The following SLC18A2 variants were observed in gnomAD, a reference collection of about 807,000 sequenced individuals.
SLC18A2 encodes synaptic vesicular amine transporter.
In SLC18A2, 33 loss-of-function variants were observed where a neutral mutation model predicts 59.2. The ratio of observed to expected loss-of-function variants is 0.56; its 90% CI spans 0.42 to 0.75. The LOEUF is 0.75. SLC18A2 is among the 30% of genes least tolerant of loss of function. The pLI, the probability that SLC18A2 is intolerant of heterozygous loss-of-function variation, is 0.00. For synonymous variants in SLC18A2, 228 were observed against 253.5 expected (o/e 0.90, Z 0.95); for missense variants, 569 against 668.6 (o/e 0.85, Z 1.64).
chr10:117,257,195 C>T (rs903899852), intron 9 of SLC18A2, among the ~76,000 whole-genome samples: 4 of 152,154 alleles, frequency 2.6e-5, no homozygotes, highest in Middle Eastern at 3.2e-3. Flanking sequence ...AGAACAGTTC[C>T]GTGGGTCTTT....
rs776837489 is a variant in SLC18A2, at chr10:117,243,985, A to G, written c.136A>G (p.Ser46Gly). Residue 46 changes from serine (S) to glycine (G), a missense_variant, in exon 3 of 16, where the codon AGT (serine) becomes GGT (glycine). Around this residue, in one of 2 missense-constraint regions of SLC18A2, gnomAD observed 377 missense variants for 389.8 expected, o/e 0.97. Transcript: ENST00000644641. ...LLTVVVPIIP[S>G]YLYSIKHEKN... ...CTTATCCCCAGTCCCCATCATCCCA[A>G]GTTATCTGTACAGCATTAAGCATGA... 1 of 1,612,658 alleles carries G rather than the reference A, an allele frequency of 6.2e-7. No homozygotes were observed. The highest frequency in any genetic ancestry group is 8.5e-7 in the Non-Finnish European group (1 of 1,179,014).
intron 3 of SLC18A2, among the ~76,000 whole-genome samples, chr10:117,245,636 T>C (rs1241776362): frequency 6.6e-6 from 1 of 151,856 alleles, no homozygotes; most frequent in Non-Finnish European, 1.5e-5. Flanking sequence ...TCAAACATTA[T>C]GAAACACTTC....
intron 15 of SLC18A2, among the ~76,000 whole-genome samples, chr10:117,275,562 A>C (rs974390230): frequency 6.6e-6 from 1 of 152,190 alleles, no homozygotes; most frequent in African/African-American, 2.4e-5. Context: ...TGCTCATCTA[A>C]CTACCACGGA....
At position 117,269,162 on chromosome 10, in the gene SLC18A2, T is replaced by TATACAC. The variant is rs1554952946; in HGVS notation, c.1187-908_1187-907insTACACA. Among the ~76,000 whole-genome samples, 1 of 150,824 alleles carries TATACAC rather than the reference T, an allele frequency of 6.6e-6. No individual in the cohort carries two copies. The highest frequency in any genetic ancestry group is 1.5e-5 in the Non-Finnish European group (1 of 67,712). On this transcript the variant is annotated intron_variant, in intron 13 of 15. Transcript: ENST00000644641. This position sits in a 1 kb window ranked among gnomAD's most constrained non-coding sequence, Gnocchi z 5.1. ...ACCCACCCACATACATATGCACACA[T>TATACAC]ACACACATACATATACACACATACA...
At chr10:117,260,188 A>G (rs1844279376) in intron 10 of SLC18A2, among the ~76,000 whole-genome samples, 1 of 152,096 alleles carries the variant, frequency 6.6e-6, no homozygotes, top group Admixed American at 6.5e-5. Flanking sequence ...CCCGGTTGCC[A>G]TTCTGGTTAA....
chr10:117,253,536 T>C (rs1844187275), intron 4 of SLC18A2, 79 bp downstream of exon 4: 1 of 336,598 alleles, frequency 3.0e-6, no homozygotes, highest in African/African-American at 3.0e-5. Context: ...GAATTAACAA[T>C]ACAACCTAAG....
rs776458650 is a variant in SLC18A2, at chr10:117,255,463, T to C, written c.791-16T>C. 3.5e-5 allele frequency: 56 copies of C among 1,614,032 alleles called. No homozygotes were observed. The highest frequency in any genetic ancestry group is 5.0e-5 in the Admixed American group (3 of 60,006). On this transcript the variant is annotated splice_polypyrimidine_tract_variant and intron_variant, in intron 7 of 15. Transcript: ENST00000644641. ...TTTCTGAAGAGGGGCTTGTCTTTTT[T>C]ATTTTTATTTTTTAGCTATTCAGCT... is the stretch of plus-strand genomic sequence containing the variant.
chr10:117,270,344 G>A lies in SLC18A2; in HGVS notation c.1321G>A (p.Gly441Ser). The A allele has an allele frequency of 6.2e-7, 1 of 1,614,172 alleles. No homozygotes were observed. The highest frequency in any genetic ancestry group is 8.5e-7 in the Non-Finnish European group (1 of 1,180,026). ...MGYAIGPSAGGAIAKAIGFPW... is the reference protein window; with the variant it reads ...MGYAIGPSAGSAIAKAIGFPW... ...TTTCCTGAAAGGTCCTTCTGCTGGTGGTGCTATTGCAAAGGCAATTGGATT... is the reference window on the plus strand; with the variant it reads ...TTTCCTGAAAGGTCCTTCTGCTGGTAGTGCTATTGCAAAGGCAATTGGATT... The change falls in exon 15 of 16, where the codon GGT becomes AGT. Residue 441 changes from glycine to serine, a missense_variant. Gly to Ser is a moderately conservative substitution (Grantham distance 56, BLOSUM62 0). Coordinates refer to ENST00000644641, the MANE Select transcript of SLC18A2 (RefSeq NM_003054.6).
intron 10 of SLC18A2, among the ~76,000 whole-genome samples, chr10:117,260,079 G>T (rs769744158): frequency 8.5e-5 from 13 of 152,138 alleles, no homozygotes; most frequent in Admixed American, 2.0e-4. Context: ...AATCTGAAGA[G>T]CCTTTTGTGT....
At chr10:117,261,538 T>G (rs560395834) in intron 10 of SLC18A2, among the ~76,000 whole-genome samples, 11 of 152,322 alleles carry the variant, frequency 7.2e-5, no homozygotes, top group African/African-American at 2.6e-4. Context: ...CAAGCAGACA[T>G]TTTCAATGTC....
At position 117,278,926 on chromosome 10, in the gene SLC18A2, TACAGGGGTAGAGCCTTAA is replaced by T; in HGVS notation, c.*1662_*1679del. 6.6e-6 allele frequency: 1 copy of T among 152,334 alleles called. No individual in the cohort carries two copies. The highest frequency in any genetic ancestry group is 1.9e-4 in the East Asian group (1 of 5,184). The allele number at this position is 152,334 out of a possible 1,614,324, so 9.4% of individuals were successfully genotyped here. A position where few individuals can be genotyped will look rare whatever the true frequency, so the allele number is the denominator to read the frequency against. On this transcript the variant is annotated 3_prime_UTR_variant, in exon 16 of 16. Coordinates refer to ENST00000644641, the MANE Select transcript of SLC18A2 (RefSeq NM_003054.6). Reference sequence around the variant, plus strand: ...AAAAGGCAGGCTAGTTTCTTACTTCTACAGGGGTAGAGCCTTAAAAAAGAACGTGCTACAAATTGGTTC... The same window carrying T: ...AAAAGGCAGGCTAGTTTCTTACTTCTAAAAGAACGTGCTACAAATTGGTTC...
chr10:117,254,899 C>T (rs1056970403), intron 6 of SLC18A2, among the ~76,000 whole-genome samples: 26 of 152,240 alleles, frequency 1.7e-4, no homozygotes, highest in Non-Finnish European at 3.5e-4. Context: ...GATTCAAAAC[C>T]TTTTCCTTCC....
intron 3 of SLC18A2, among the ~76,000 whole-genome samples, chr10:117,249,410 G>A (rs1279724036): frequency 1.3e-5 from 2 of 152,236 alleles, no homozygotes; most frequent in Non-Finnish European, 2.9e-5. Context: ...AAGCGGAATC[G>A]AAGAATTTTA....
Position 117,255,657 on chromosome 10 carries a change from G to A in SLC18A2, c.895G>A (p.Gly299Ser). The A allele has an allele frequency of 1.9e-6, 3 of 1,613,068 alleles. No homozygotes were observed. Among genetic ancestry groups the A allele is most frequent in the South Asian group, 2.2e-5 (2 of 91,062 alleles). ...LKDPYILIAA[G>S]SICFANMGIA... ...GGACCCGTACATCCTCATTGCTGCAGGTGGGGCTCTGTGGGTCTTCTGAGT... is the reference window on the plus strand; with the variant it reads ...GGACCCGTACATCCTCATTGCTGCAAGTGGGGCTCTGTGGGTCTTCTGAGT... Residue 299 changes from glycine to serine, a missense_variant and splice_region_variant, in exon 9 of 16, where the codon GGC (glycine) becomes AGC (serine). Physicochemically the swap from Gly to Ser is moderately conservative, Grantham distance 56. Coordinates refer to ENST00000644641, the MANE Select transcript of SLC18A2 (RefSeq NM_003054.6).
At position 117,270,454 on chromosome 10, in the gene SLC18A2, A is replaced by G; in HGVS notation, c.1431A>G (p.Glu477=). The G allele has an allele frequency of 1.2e-6, 2 of 1,613,646 alleles. No individual in the cohort carries two copies. Among genetic ancestry groups the G allele is most frequent in the Non-Finnish European group, 1.7e-6 (2 of 1,179,946 alleles). The part of the protein sequence containing the change: ...CFFLRSPPAK[E]EKMAILMDHN... ...TTCTTCGAAGTCCACCTGCCAAAGA[A>G]GAAAAAATGGTAAGAAAAATTTAGG... is the stretch of plus-strand genomic sequence containing the variant. Residue 477 remains glutamate (E), a synonymous_variant, in exon 15 of 16, where the codon GAA becomes GAG. Coordinates refer to ENST00000644641, the MANE Select transcript of SLC18A2 (RefSeq NM_003054.6).
intron 2 of SLC18A2, 84 bp from the exon 3 acceptor site, chr10:117,243,887 A>G: frequency 1.8e-6 from 2 of 1,140,886 alleles, no homozygotes; most frequent in Non-Finnish European, 2.5e-6. Flanking sequence ...CTCCCTGCCG[A>G]CACAACCATA....
intron 4 of SLC18A2, 25 bp from the exon 5 acceptor site, chr10:117,254,023 G>A (rs376641753): frequency 2.3e-5 from 37 of 1,608,356 alleles, no homozygotes; most frequent in South Asian, 1.4e-4. Context: ...ACTGATGTGC[G>A]GTCTTGGACC....
chr10:117,248,221 T>A (rs1844129231), intron 3 of SLC18A2, among the ~76,000 whole-genome samples: 1 of 152,172 alleles, frequency 6.6e-6, no homozygotes, highest in East Asian at 1.9e-4. Context: ...TGCCTCAGCC[T>A]CTCAAAGTGC....
Position 117,258,766 on chromosome 10 carries a change from C to CT in SLC18A2, c.991+892dup, listed in dbSNP as rs36039915. On this transcript the variant is annotated intron_variant, in intron 10 of 15. Coordinates refer to ENST00000644641, the MANE Select transcript of SLC18A2 (RefSeq NM_003054.6). ...AAATAATATGTGTACACCCCCGACT[C>CT]TTTTTTTTTTTTTTTTTTGAGACAA... 1.0e-3 allele frequency among the ~76,000 whole-genome samples: 109 copies of CT among 106,116 alleles called. 1 individual carries two copies. The highest frequency in any genetic ancestry group is 1.9e-3 in the African/African-American group (54 of 28,840). The allele number at this position is 106,116 out of a possible 152,430, so 69.6% of individuals were successfully genotyped here.
Sources: gnomAD v4.1 joint callset for allele counts (sites outside exome capture counted in the v4.1 genomes callset) on GRCh38, gnomAD v4.1.1 for gene constraint, gnomAD v4.1.1 regional missense constraint, Gnocchi (gnomAD v3.1) non-coding constraint, MANE v1.5 for transcripts, NCBI Gene and HGNC (gene_info 2026-07-23, HGNC 2026-07-21) for gene names.